The following KIAA0232 variants were observed in gnomAD, a reference collection of about 807,000 sequenced individuals.
KIAA0232 encodes the protein uncharacterized protein KIAA0232.
Under a neutral mutation model 122.0 loss-of-function variants are expected in KIAA0232, and 27 were observed. That is an observed-to-expected ratio of 0.22 (90% CI 0.16 to 0.31). KIAA0232 has a LOEUF of 0.31. KIAA0232 is among the 10% of genes least tolerant of loss of function. KIAA0232 has a pLI of 1.00. For missense variants in KIAA0232, 1,551 were observed against 1,634.2 expected (o/e 0.95, Z 0.88); for synonymous variants, 613 against 587.6 (o/e 1.04, Z -0.63).
intron 4 of KIAA0232, among the ~76,000 whole-genome samples, chr4:6,843,776 A>G (rs1719790398): frequency 6.6e-6 from 1 of 152,020 alleles, no homozygotes; most frequent in Non-Finnish European, 1.5e-5. Context: ...TCTCAAGAAA[A>G]TAAAAAAAGA....
At chr4:6,813,175 G>A (rs892111948) in intron 2 of KIAA0232, among the ~76,000 whole-genome samples, 2 of 151,884 alleles carry the variant, frequency 1.3e-5, no homozygotes, top group African/African-American at 2.4e-5. Context: ...CATGTTTCTC[G>A]GAACATTATT....
At chr4:6,804,697 T>C (rs186790648) in intron 2 of KIAA0232, 91 bp downstream of exon 2, 2 of 152,326 alleles carry the variant, frequency 1.3e-5, no homozygotes, top group Admixed American at 6.5e-5. Context: ...CTGTATAGAA[T>C]AGTACAATTT....
intron 2 of KIAA0232, among the ~76,000 whole-genome samples, chr4:6,815,431 G>C (rs1420071202): frequency 6.6e-6 from 1 of 152,156 alleles, no homozygotes; most frequent in East Asian, 1.9e-4. Flanking sequence ...TCTACCAAAG[G>C]CTTGCTGCTT....
At chr4:6,794,312 G>A (rs1402356142) in intron 1 of KIAA0232, among the ~76,000 whole-genome samples, 2 of 152,208 alleles carry the variant, frequency 1.3e-5, no homozygotes, top group Non-Finnish European at 2.9e-5. Context: ...ATTAGTTGGG[G>A]GCAGCCTGAT....
intron 6 of KIAA0232, among the ~76,000 whole-genome samples, chr4:6,858,951 A>T (rs112545792): frequency 0.017 from 2,586 of 152,162 alleles, 71 homozygotes; most frequent in African/African-American, 0.059. Flanking sequence ...CTCAAATATT[A>T]GTTGAGCATG....
chr4:6,856,585 G>A (rs915601210), intron 4 of KIAA0232, among the ~76,000 whole-genome samples: 1 of 151,874 alleles, frequency 6.6e-6, no homozygotes, highest in Non-Finnish European at 1.5e-5. Flanking sequence ...ATCTGGTCCA[G>A]ATGCTGAAAA....
chr4:6,820,914 G>A (rs754114905), intron 2 of KIAA0232, among the ~76,000 whole-genome samples: 5 of 152,172 alleles, frequency 3.3e-5, no homozygotes, highest in Non-Finnish European at 7.4e-5. Context: ...GTCATGCCAT[G>A]GCAGAAAGCA....
At chr4:6,788,869 G>C (rs1375837529) in intron 1 of KIAA0232, among the ~76,000 whole-genome samples, 1 of 152,178 alleles carries the variant, frequency 6.6e-6, no homozygotes, top group African/African-American at 2.4e-5. Flanking sequence ...GACACTAGTG[G>C]TTGGATACAC....
intron 7 of KIAA0232, among the ~76,000 whole-genome samples, chr4:6,865,400 A>G (rs1405499389): frequency 6.6e-6 from 1 of 152,162 alleles, no homozygotes; most frequent in Non-Finnish European, 1.5e-5. Flanking sequence ...CCCAGGTTCA[A>G]GTGATTCTCC....
intron 7 of KIAA0232, among the ~76,000 whole-genome samples, chr4:6,868,415 G>A (rs1721298018): frequency 6.6e-6 from 1 of 152,190 alleles, no homozygotes; most frequent in Non-Finnish European, 1.5e-5. Context: ...TATATAGTGT[G>A]TTACAATATA....
chr4:6,871,794 G>A (rs149944881), intron 8 of KIAA0232, 112 bp downstream of exon 8: 173 of 692,838 alleles, frequency 2.5e-4, no homozygotes, highest in Non-Finnish European at 3.4e-4. Flanking sequence ...AGAGGTTTCT[G>A]TGTGGGTAGC....
At chr4:6,823,592 T>C (rs1718521354) in intron 2 of KIAA0232, among the ~76,000 whole-genome samples, 1 of 152,198 alleles carries the variant, frequency 6.6e-6, no homozygotes, top group Non-Finnish European at 1.5e-5. Context: ...GAACTAATTT[T>C]TTTACCCATG....
chr4:6,829,560 TTAA>T (rs1318189150), intron 3 of KIAA0232, among the ~76,000 whole-genome samples: 1 of 152,218 alleles, frequency 6.6e-6, no homozygotes, highest in Non-Finnish European at 1.5e-5. Flanking sequence ...CACCAGCCAC[TTAA>T]TATGTAAGGA....
intron 3 of KIAA0232, among the ~76,000 whole-genome samples, chr4:6,833,038 G>T (rs1719074239): frequency 6.6e-6 from 1 of 152,126 alleles, no homozygotes; most frequent in Non-Finnish European, 1.5e-5. Flanking sequence ...GACCTTATTT[G>T]CTCCTTCAGC....
At position 6,838,847 on chromosome 4, in the gene KIAA0232, G is replaced by A. The variant is rs2109118225; in HGVS notation, c.232-3220G>A. ...TGATACGTTTAAAATAAATAAAGCT[G>A]GCCAGGTGAGGTGGCTCACGCCTGT... On this transcript the variant is annotated intron_variant, in intron 3 of 9. Transcript: ENST00000307659. 1.3e-5 allele frequency among the ~76,000 whole-genome samples: 2 copies of A among 151,238 alleles called. 1 individual carries two copies. Among genetic ancestry groups the A allele is most frequent in the South Asian group, 4.2e-4 (2 of 4,786 alleles).
chr4:6,853,964 A>G (rs1327620988), intron 4 of KIAA0232, among the ~76,000 whole-genome samples: 10 of 152,178 alleles, frequency 6.6e-5, no homozygotes, highest in Admixed American at 6.5e-4. Flanking sequence ...AGGAGCAGAG[A>G]GTGTAGCAGT....
chr4:6,797,983 G>T (rs1008783121), intron 1 of KIAA0232, among the ~76,000 whole-genome samples: 4 of 151,122 alleles, frequency 2.6e-5, no homozygotes, highest in African/African-American at 9.7e-5. Context: ...GCATGAACCC[G>T]AGAGGTGGAG....
intron 1 of KIAA0232, among the ~76,000 whole-genome samples, chr4:6,796,877 C>T (rs1169003880): frequency 6.6e-6 from 1 of 152,106 alleles, no homozygotes; most frequent in Non-Finnish European, 1.5e-5. Context: ...TCTTGGTTTT[C>T]TGGTTTATAT....
Position 6,862,798 on chromosome 4 carries a change from G to C in KIAA0232, c.2416G>C (p.Glu806Gln). ...ACAAAAAACAGAAAACAAAAATTTT[G>C]AAACTACACAAGTATGTAATGAAAG... Reference protein sequence around the residue: ...LEQKTENKNFETTQVCNESPH... With the variant: ...LEQKTENKNFQTTQVCNESPH... Residue 806 changes from glutamate (E) to glutamine (Q), a missense_variant, in exon 7 of 10, where the codon GAA becomes CAA. Physicochemically the swap from Glu to Gln is conservative, Grantham distance 29. Around this residue, in one of 5 missense-constraint regions of KIAA0232, gnomAD observed 1,108 missense variants for 1,154.8 expected, o/e 0.96. Coordinates refer to ENST00000307659, the MANE Select transcript of KIAA0232 (RefSeq NM_014743.3). 6.2e-7 allele frequency: 1 copy of C among 1,614,014 alleles called. No individual in the cohort carries two copies. The highest frequency in any genetic ancestry group is 8.5e-7 in the Non-Finnish European group (1 of 1,179,996).
Sources: gnomAD v4.1 joint callset for allele counts (sites outside exome capture counted in the v4.1 genomes callset) on GRCh38, gnomAD v4.1.1 for gene constraint, gnomAD v4.1.1 regional missense constraint, MANE v1.5 for transcripts, NCBI Gene and HGNC (gene_info 2026-07-23, HGNC 2026-07-21) for gene names.